CELF4: variants seen among roughly 807,000 people sequenced by gnomAD.
CELF4 encodes CUGBP Elav-like family member 4.
A neutral mutation model predicts 59.9 loss-of-function variants in CELF4; 18 were observed. The observed-to-expected ratio is 0.30, with a 90% CI of 0.21 to 0.45. The LOEUF (loss-of-function observed/expected upper bound fraction) is 0.45. Ranked by LOEUF, CELF4 falls within the 20% of genes least tolerant of loss-of-function variation. The probability of loss-of-function intolerance (pLI) is 1.00; values close to 1 mark genes in which losing one functional copy is unlikely to be tolerated. For missense variants in CELF4, 456 were observed against 689.0 expected (o/e 0.66, Z 3.79); for synonymous variants, 261 against 267.1 (o/e 0.98, Z 0.22).
intron 2 of CELF4, among the ~76,000 whole-genome samples, chr18:37,413,391 C>T (rs549091363): frequency 2.4e-4 from 37 of 151,980 alleles, no homozygotes; most frequent in African/African-American, 8.7e-4. Flanking sequence ...TCTGGAGCTC[C>T]GTGGTTAAGG....
chr18:37,442,482 G>C (rs2099735013), intron 2 of CELF4, among the ~76,000 whole-genome samples: 1 of 152,208 alleles, frequency 6.6e-6, no homozygotes, highest in Non-Finnish European at 1.5e-5. Context: ...ATACCCTCTA[G>C]AAAGGGAGAA....
chr18:37,411,902 T>C (rs1021545426), intron 2 of CELF4, among the ~76,000 whole-genome samples: 1 of 152,218 alleles, frequency 6.6e-6, no homozygotes, highest in Non-Finnish European at 1.5e-5. Flanking sequence ...TAGCCACTGT[T>C]TCTCCTGCAG....
chr18:37,264,657 CTGGCCTG>C lies in CELF4; in HGVS notation c.1249+10_1249+16del, dbSNP rs1569235505. ...ACAGGGGGAGGGAGGGGCCCAGGAG[CTGGCCTG>C]CAGACTCACCTTCTCTCTGCTGCTG... On this transcript the variant is annotated intron_variant, in intron 10 of 12. Coordinates refer to ENST00000420428, the MANE Select transcript of CELF4 (RefSeq NM_020180.4). 3.2e-6 allele frequency: 5 copies of C among 1,560,780 alleles called. No individual in the cohort carries two copies. The highest frequency in any genetic ancestry group is 1.7e-4 in the Middle Eastern group (1 of 5,816).
intron 2 of CELF4, among the ~76,000 whole-genome samples, chr18:37,444,472 T>C (rs904297523): frequency 2.6e-5 from 4 of 151,880 alleles, no homozygotes; most frequent in African/African-American, 9.7e-5. Context: ...TATGGTGAGG[T>C]CACTTATGAA....
At chr18:37,300,337 G>C (rs1214790950) in intron 3 of CELF4, among the ~76,000 whole-genome samples, 1 of 152,000 alleles carries the variant, frequency 6.6e-6, no homozygotes, top group Non-Finnish European at 1.5e-5. Flanking sequence ...CGATTCTCCT[G>C]CCTCAGCCTC....
chr18:37,423,400 A>C (rs950453355), intron 2 of CELF4, among the ~76,000 whole-genome samples: 1 of 152,048 alleles, frequency 6.6e-6, no homozygotes, highest in Admixed American at 6.5e-5. Context: ...GTGGGGCCAG[A>C]GTGGGATGGG....
At chr18:37,317,177 AG>A (rs2096895358) in intron 3 of CELF4, among the ~76,000 whole-genome samples, 1 of 152,230 alleles carries the variant, frequency 6.6e-6, no homozygotes, top group Admixed American at 6.5e-5. Flanking sequence ...ACCTGAGGTC[AG>A]GAGTTCAAGA....
chr18:37,483,723 A>G (rs1280158593), intron 2 of CELF4, among the ~76,000 whole-genome samples: 1 of 152,186 alleles, frequency 6.6e-6, no homozygotes, highest in East Asian at 1.9e-4. Flanking sequence ...CTGCCTGGTA[A>G]TAAGCCTTCT....
intron 2 of CELF4, among the ~76,000 whole-genome samples, chr18:37,413,698 A>G (rs1028641462): frequency 1.3e-5 from 2 of 152,202 alleles, no homozygotes; most frequent in African/African-American, 4.8e-5. Flanking sequence ...TGGCAGAATC[A>G]GAATTAACCA....
chr18:37,481,687 G>A (rs763910253), intron 2 of CELF4, among the ~76,000 whole-genome samples: 8 of 152,112 alleles, frequency 5.3e-5, no homozygotes, highest in Non-Finnish European at 7.4e-5. Flanking sequence ...GCCGTTTCTC[G>A]GACCAGTGCT....
intron 2 of CELF4, among the ~76,000 whole-genome samples, chr18:37,424,529 C>T (rs2099599930): frequency 1.3e-5 from 2 of 152,190 alleles, no homozygotes; most frequent in Admixed American, 1.3e-4. Flanking sequence ...AGCACCTCTT[C>T]CCTCAGGCAC....
At chr18:37,317,542 C>T (rs1007233406) in intron 3 of CELF4, among the ~76,000 whole-genome samples, 5 of 152,122 alleles carry the variant, frequency 3.3e-5, no homozygotes, top group South Asian at 2.1e-4. Context: ...GAGCTCATTC[C>T]GGATAAGAAC....
chr18:37,340,148 C>T (rs1458506425), intron 2 of CELF4, among the ~76,000 whole-genome samples: 2 of 152,238 alleles, frequency 1.3e-5, no homozygotes, highest in African/African-American at 2.4e-5. Flanking sequence ...AATGTCCGCA[C>T]ACATTTTCCT....
Position 37,362,355 on chromosome 18 carries a change from C to T in CELF4, c.370-40474G>A, listed in dbSNP as rs567489299. On this transcript the variant is annotated intron_variant, in intron 2 of 12. Coordinates refer to ENST00000420428, the MANE Select transcript of CELF4 (RefSeq NM_020180.4). ...GGGTTGCGGACGCATCACTCCCCGG[C>T]GGCAGCCGAAGGTCAAGGCCAAGCC... 4.6e-5 allele frequency among the ~76,000 whole-genome samples: 7 copies of T among 152,328 alleles called. No homozygotes were observed. In the East Asian group the frequency reaches 7.7e-4, roughly 17 times the overall value.
intron 2 of CELF4, among the ~76,000 whole-genome samples, chr18:37,353,339 A>G (rs539674635): frequency 5.3e-5 from 8 of 151,756 alleles, no homozygotes; most frequent in Non-Finnish European, 1.0e-4. Context: ...CAGTGAGGCC[A>G]GATTCAGCAA....
chr18:37,302,344 T>C (rs1019115204), intron 3 of CELF4, among the ~76,000 whole-genome samples: 1 of 152,160 alleles, frequency 6.6e-6, no homozygotes, highest in Non-Finnish European at 1.5e-5. Flanking sequence ...GCCCCTAAAG[T>C]GCTTCCTTTA....
At chr18:37,293,054 G>A (rs2095436888) in intron 3 of CELF4, among the ~76,000 whole-genome samples, 1 of 152,220 alleles carries the variant, frequency 6.6e-6, no homozygotes, top group South Asian at 2.1e-4. Context: ...CCCACAAAAG[G>A]GGGTTGGGGT....
chr18:37,558,724 C>A (rs748117439), intron 1 of CELF4, among the ~76,000 whole-genome samples: 2 of 151,766 alleles, frequency 1.3e-5, no homozygotes, highest in Non-Finnish European at 2.9e-5. Flanking sequence ...GGAGGGCAAC[C>A]GGCTCCCTGC....
At chr18:37,415,664 C>T (rs184059044) in intron 2 of CELF4, among the ~76,000 whole-genome samples, 134 of 152,256 alleles carry the variant, frequency 8.8e-4, no homozygotes, top group African/African-American at 3.0e-3. Flanking sequence ...TGACATAATG[C>T]CTTGGCAGTT....
Sources: gnomAD v4.1 joint callset for allele counts (sites outside exome capture counted in the v4.1 genomes callset) on GRCh38, gnomAD v4.1.1 for gene constraint, MANE v1.5 for transcripts, NCBI Gene and HGNC (gene_info 2026-07-23, HGNC 2026-07-21) for gene names.